The following NAALADL2 variants were observed in gnomAD, a reference collection of about 807,000 sequenced individuals.
The protein encoded by NAALADL2 is N-acetylated alpha-linked acidic dipeptidase like 2.
Under a neutral mutation model 87.2 loss-of-function variants are expected in NAALADL2, and 76 were observed. That is an observed-to-expected ratio of 0.87 (90% confidence interval 0.72 to 1.05). The LOEUF is 1.05. NAALADL2 is among the 50% of genes least tolerant of loss of function. NAALADL2 has a pLI of 0.00. For missense variants in NAALADL2, 1,089 were observed against 945.8 expected, an observed-to-expected ratio of 1.15 and a Z score of -1.99; for synonymous variants, 354 against 331.0, an observed-to-expected ratio of 1.07 and a Z score of -0.75.
intron 4 of NAALADL2, among the ~76,000 whole-genome samples, chr3:175,303,703 A>ATACT (rs1478367510): frequency 6.6e-6 from 1 of 152,228 alleles, no homozygotes; most frequent in Admixed American, 6.5e-5. Flanking sequence ...CTTAGGGAGC[A>ATACT]TACTACCAGA....
At chr3:174,788,960 A>T (rs1337816348) in intron 3 of NAALADL2, among the ~76,000 whole-genome samples, 2 of 152,164 alleles carry the variant, frequency 1.3e-5, no homozygotes, top group Non-Finnish European at 2.9e-5. Flanking sequence ...CACTTTAGGG[A>T]AGAGTTTGAG....
intron 9 of NAALADL2, among the ~76,000 whole-genome samples, 165 bp from the exon 10 acceptor site, chr3:175,575,876 A>G (rs1718796685): frequency 6.6e-6 from 1 of 152,152 alleles, no homozygotes; most frequent in Admixed American, 6.5e-5. Flanking sequence ...CCTGGGCTCT[A>G]CCACCCATTA....
chr3:175,360,750 T>C (rs941765447), intron 5 of NAALADL2, among the ~76,000 whole-genome samples: 1 of 152,106 alleles, frequency 6.6e-6, no homozygotes, highest in East Asian at 1.9e-4. Context: ...TCTTCATTTA[T>C]TTTCCTATAG....
At chr3:175,392,153 T>C (rs1402338584) in intron 5 of NAALADL2, among the ~76,000 whole-genome samples, 1 of 152,218 alleles carries the variant, frequency 6.6e-6, no homozygotes, top group African/African-American at 2.4e-5. Context: ...TCTGCTTCTC[T>C]GTGAATTGAT....
At chr3:175,206,244 C>CTACATATATATATA (rs1740821058) in intron 2 of NAALADL2, among the ~76,000 whole-genome samples, 1 of 107,990 alleles carries the variant, frequency 9.3e-6, no homozygotes, top group Admixed American at 1.0e-4. Flanking sequence ...GGATAAAAAA[C>CTACATATATATATA]TATATATATA....
At chr3:175,563,518 A>G (rs1004794037) in intron 9 of NAALADL2, among the ~76,000 whole-genome samples, 1 of 152,176 alleles carries the variant, frequency 6.6e-6, no homozygotes, top group African/African-American at 2.4e-5. Flanking sequence ...TCTAAACTGG[A>G]TGGTGTTTGT....
chr3:174,844,099 A>G (rs1057375544), intron 3 of NAALADL2, among the ~76,000 whole-genome samples: 11 of 152,222 alleles, frequency 7.2e-5, no homozygotes, highest in Admixed American at 6.5e-4. Flanking sequence ...CCCAGCCCCA[A>G]TGTTGTAAAG....
At chr3:174,985,350 T>A (rs1040950725) in intron 1 of NAALADL2, among the ~76,000 whole-genome samples, 1 of 152,198 alleles carries the variant, frequency 6.6e-6, no homozygotes, top group African/African-American at 2.4e-5. Context: ...ATACTTTAAC[T>A]ACCTCTGGCC....
At chr3:175,738,386 T>C (rs946218223) in intron 12 of NAALADL2, among the ~76,000 whole-genome samples, 1 of 152,104 alleles carries the variant, frequency 6.6e-6, no homozygotes, top group Non-Finnish European at 1.5e-5. Flanking sequence ...TAGCTGGAAC[T>C]ACAGGCACAT....
chr3:175,313,648 T>C (rs1404100617), intron 4 of NAALADL2, among the ~76,000 whole-genome samples: 1 of 152,216 alleles, frequency 6.6e-6, no homozygotes. Context: ...ATTCCCTTGC[T>C]AGACACTGTG....
intron 4 of NAALADL2, among the ~76,000 whole-genome samples, chr3:175,289,381 T>A (rs1325019814): frequency 6.6e-6 from 1 of 152,064 alleles, no homozygotes; most frequent in African/African-American, 2.4e-5. Context: ...TGTCAATGGA[T>A]AGAGTCCAGA....
intron 11 of NAALADL2, among the ~76,000 whole-genome samples, chr3:175,737,015 G>C (rs1313562405): frequency 6.6e-6 from 1 of 152,076 alleles, no homozygotes; most frequent in East Asian, 1.9e-4. Flanking sequence ...AGTCTAAATA[G>C]TACAACTCTT....
intron 2 of NAALADL2, among the ~76,000 whole-genome samples, chr3:175,230,828 T>G (rs1030948201): frequency 1.3e-5 from 2 of 151,820 alleles, no homozygotes; most frequent in East Asian, 3.9e-4. Flanking sequence ...ATGGCAAGAG[T>G]GTAATCAAAA....
At chr3:174,531,174 T>A (rs993409931) in intron 1 of NAALADL2, among the ~76,000 whole-genome samples, 8 of 152,190 alleles carry the variant, frequency 5.3e-5, no homozygotes, top group African/African-American at 1.9e-4. Context: ...ATGGTGTATG[T>A]TTCTATTTCT....
At chr3:175,045,179 T>C (rs900647435) in intron 1 of NAALADL2, among the ~76,000 whole-genome samples, 2 of 152,138 alleles carry the variant, frequency 1.3e-5, no homozygotes, top group Non-Finnish European at 2.9e-5. Context: ...TCTTCCCACT[T>C]GAATTTCTGA....
chr3:175,549,140 CA>C (rs954896293), intron 9 of NAALADL2, among the ~76,000 whole-genome samples: 17 of 57,604 alleles, frequency 3.0e-4, no homozygotes, highest in Admixed American at 1.5e-3. Context: ...TTGAGATTAT[CA>C]CTTATTTTCC....
chr3:174,886,217 G>A (rs1016614957), intron 1 of NAALADL2, among the ~76,000 whole-genome samples: 4 of 151,938 alleles, frequency 2.6e-5, no homozygotes, highest in Admixed American at 2.6e-4. Context: ...CCCGCCTGTC[G>A]GAGTTCTAAA....
At position 175,447,274 on chromosome 3, in the gene NAALADL2, TGCA is replaced by T. The variant is rs1720856542; in HGVS notation, c.1139_1141del (p.Gln380del). ...CGATCAAACCTCACCTCTCTATTAG[TGCA>T]GCCCATCTCTGCACCCCTCGTTGCA... On this transcript the variant is annotated inframe_deletion, in exon 6 of 14. Coordinates refer to ENST00000454872, the MANE Select transcript of NAALADL2 (RefSeq NM_207015.3). 1 of 1,607,122 alleles carries T rather than the reference TGCA, an allele frequency of 6.2e-7. No individual in the cohort carries two copies. The highest frequency in any genetic ancestry group is 8.5e-7 in the Non-Finnish European group (1 of 1,176,444).
chr3:175,446,601 C>T (rs745679970), intron 5 of NAALADL2, among the ~76,000 whole-genome samples: 1 of 152,156 alleles, frequency 6.6e-6, no homozygotes, highest in Non-Finnish European at 1.5e-5. Flanking sequence ...CCTGTTCACT[C>T]TCTCACTCTC....
Sources: allele counts gnomAD v4.1 joint callset (sites outside exome capture counted in the v4.1 genomes callset), GRCh38; gene constraint gnomAD v4.1.1; transcripts MANE v1.5; gene names NCBI Gene and HGNC (gene_info 2026-07-23, HGNC 2026-07-21).